Variants in IGSF9B observed in about 807,000 individuals in gnomAD.
The protein encoded by IGSF9B is protein turtle homolog B.
In IGSF9B, 48 loss-of-function variants were observed where a neutral mutation model predicts 143.7. That is an observed-to-expected ratio of 0.33 (90% CI 0.26 to 0.42). The LOEUF is 0.42. Ranked by LOEUF, IGSF9B falls within the 20% of genes least tolerant of loss-of-function variation. The probability of loss-of-function intolerance (pLI) is 1.00; values close to 1 mark genes in which losing one functional copy is unlikely to be tolerated. For synonymous variants in IGSF9B, 903 were observed against 833.1 expected (o/e 1.08, Z -1.44); for missense variants, 1,706 against 1,980.0 (o/e 0.86, Z 2.63).
chr11:133,946,428 G>A (rs1034135959), intron 1 of IGSF9B, 170 bp from the exon 2 acceptor site: 4 of 617,098 alleles, frequency 6.5e-6, no homozygotes, highest in African/African-American at 3.7e-5. Context: ...TCTCCCCCTC[G>A]CTGCTCATAC....
rs548617014 is a variant in IGSF9B at position 133,939,856 on chromosome 11, AACAC to A, written c.410-1899_410-1896del. Among the ~76,000 whole-genome samples, 1,328 of 148,320 alleles carry A rather than the reference AACAC, an allele frequency of 9.0e-3. 7 individuals carry two copies. The highest frequency in any genetic ancestry group is 0.013 in the Non-Finnish European group (888 of 67,402). On this transcript the variant is annotated intron_variant, in intron 3 of 19. Coordinates refer to ENST00000533871, the MANE Select transcript of IGSF9B (RefSeq NM_001277285.4). ...CCTCGCACGCGTCATCACACGCACA[AACAC>A]ACACCTCGCACGTCCTCGCACGCGT...
Position 133,921,157 on chromosome 11 carries a change from G to A in IGSF9B, c.2568C>T (p.Gly856=), listed in dbSNP as rs1939527480. ...TCTCGGCAGGGTCCATCACGAAGCGGCCGTCAGGGCCTCTGCTGATGAGCT... is the reference window on the plus strand; with the variant it reads ...TCTCGGCAGGGTCCATCACGAAGCGACCGTCAGGGCCTCTGCTGATGAGCT... ...PIELISRGPD[G]RFVMDPAEME... Residue 856 remains glycine (G), a synonymous_variant, in exon 18 of 20, where the codon GGC becomes GGT. Coordinates refer to ENST00000533871, the MANE Select transcript of IGSF9B (RefSeq NM_001277285.4). 1.2e-6 allele frequency: 2 copies of A among 1,612,114 alleles called. No homozygotes were observed. The highest frequency in any genetic ancestry group is 1.7e-6 in the Non-Finnish European group (2 of 1,179,050).
chr11:133,937,770 G>A (rs1452519308), intron 4 of IGSF9B, 40 bp downstream of exon 4: 3 of 1,594,002 alleles, frequency 1.9e-6, no homozygotes, highest in Admixed American at 3.4e-5. Flanking sequence ...GGGAAACGGG[G>A]GAAGAGACCG....
rs374975026 is a variant in IGSF9B at position 133,896,504 on chromosome 11, G to A, written c.*12565C>T. The A allele has an allele frequency of 6.6e-6, 1 of 152,152 alleles. No individual in the cohort carries two copies. Among genetic ancestry groups the A allele is most frequent in the South Asian group, 2.1e-4 (1 of 4,830 alleles). The allele number at this position is 152,152 out of a possible 1,614,324, so 9.4% of individuals were successfully genotyped here. A position where few individuals can be genotyped will look rare whatever the true frequency, so the allele number is the denominator to read the frequency against. ...TCTGAAGCAGAGTAATGTTACATGAGGAGCAATTAAATACTAAACGTCTTT... is the reference window on the plus strand; with the variant it reads ...TCTGAAGCAGAGTAATGTTACATGAAGAGCAATTAAATACTAAACGTCTTT... On this transcript the variant is annotated 3_prime_UTR_variant, in exon 20 of 20. Coordinates refer to ENST00000533871, the MANE Select transcript of IGSF9B (RefSeq NM_001277285.4).
At chr11:133,923,708 G>A (rs1939579952) in intron 15 of IGSF9B, among the ~76,000 whole-genome samples, 1 of 152,256 alleles carries the variant, frequency 6.6e-6, no homozygotes, top group South Asian at 2.1e-4. Flanking sequence ...CTTTGGAAAT[G>A]GGGGACCTAA....
At position 133,898,676 on chromosome 11, in the gene IGSF9B, G is replaced by T; in HGVS notation, c.*10393C>A. 1 of 154,090 alleles carries T rather than the reference G, an allele frequency of 6.5e-6. No homozygotes were observed. The highest frequency in any genetic ancestry group is 5.8e-4 in the Middle Eastern group (1 of 1,728). The allele number at this position is 154,090 out of a possible 1,614,324, so 9.5% of individuals were successfully genotyped here. Reference sequence around the variant, plus strand: ...TGATACAGACGACTTAGCAAGTGGAGCGTTAAACTGCTCTTCTCCCCTAGC... The same window carrying T: ...TGATACAGACGACTTAGCAAGTGGATCGTTAAACTGCTCTTCTCCCCTAGC... On this transcript the variant is annotated 3_prime_UTR_variant, in exon 20 of 20. Transcript: ENST00000533871.
At chr11:133,952,183 C>A in intron 1 of IGSF9B, 1 of 399,184 alleles carries the variant, frequency 2.5e-6, no homozygotes, top group South Asian at 1.7e-5. Flanking sequence ...AGGAAGATTC[C>A]CAAGAAAAAT....
chr11:133,938,157 CTG>C, intron 3 of IGSF9B, 196 bp from the exon 4 acceptor site: 2 of 609,298 alleles, frequency 3.3e-6, no homozygotes, highest in Non-Finnish European at 5.7e-6. Flanking sequence ...CTCAGGCTGG[CTG>C]GGTCCAAATT....
At chr11:133,919,283 G>A (rs1179316675) in intron 18 of IGSF9B, among the ~76,000 whole-genome samples, 1 of 152,170 alleles carries the variant, frequency 6.6e-6, no homozygotes, top group Non-Finnish European at 1.5e-5. Context: ...GTCTGGAGAA[G>A]TCAGGCTCCG....
intron 7 of IGSF9B, among the ~76,000 whole-genome samples, chr11:133,935,178 G>A (rs904476907): frequency 3.9e-5 from 6 of 152,224 alleles, no homozygotes; most frequent in African/African-American, 7.2e-5. Context: ...CGACACAGAC[G>A]CGGTGTGGAA....
At chr11:133,956,622 C>G in intron 1 of IGSF9B, 69 bp downstream of exon 1, 1 of 1,087,920 alleles carries the variant, frequency 9.2e-7, no homozygotes, top group Non-Finnish European at 1.3e-6. Flanking sequence ...GCCGGGAAAC[C>G]GAGGGGCCGG....
Position 133,920,996 on chromosome 11 carries a change from G to T in IGSF9B, c.2729C>A (p.Ser910Tyr), listed in dbSNP as rs764207468. Reference sequence around the variant, plus strand: ...GCTGGATGACAGAGGGGTGAGCTGGGACTTCAGGGCGGCCACAGATGTGGG... The same window carrying T: ...GCTGGATGACAGAGGGGTGAGCTGGTACTTCAGGGCGGCCACAGATGTGGG... The part of the protein sequence containing the change: ...LVPTSVAALK[S>Y]QLTPLSSSQE... The change falls in exon 18 of 20, where the codon TCC (serine) becomes TAC (tyrosine). Residue 910 changes from serine (S) to tyrosine (Y), a missense_variant. Physicochemically the swap from Ser to Tyr is moderately radical, Grantham distance 144. Coordinates refer to ENST00000533871, the MANE Select transcript of IGSF9B (RefSeq NM_001277285.4). 1 of 1,611,382 alleles carries T rather than the reference G, an allele frequency of 6.2e-7. No individual in the cohort carries two copies.
chr11:133,930,700 T>C (rs1195771526), intron 11 of IGSF9B, among the ~76,000 whole-genome samples: 1 of 152,184 alleles, frequency 6.6e-6, no homozygotes, highest in Admixed American at 6.5e-5. Context: ...CTGCAGTCCC[T>C]GCCAGCCACA....
intron 7 of IGSF9B, among the ~76,000 whole-genome samples, chr11:133,934,335 C>T (rs1939784859): frequency 6.6e-6 from 1 of 152,248 alleles, no homozygotes; most frequent in Non-Finnish European, 1.5e-5. Flanking sequence ...CTGCGTCCAG[C>T]ACAGAGGGAC....
At chr11:133,933,865 G>A (rs1939776075) in intron 7 of IGSF9B, among the ~76,000 whole-genome samples, 2 of 152,184 alleles carry the variant, frequency 1.3e-5, no homozygotes, top group South Asian at 4.1e-4. Flanking sequence ...TAGGAAGGCA[G>A]TGAGGATGAA....
intron 3 of IGSF9B, among the ~76,000 whole-genome samples, chr11:133,938,890 T>C (rs1200076049): frequency 2.0e-5 from 3 of 152,114 alleles, no homozygotes; most frequent in Non-Finnish European, 4.4e-5. Context: ...CTAACTCCCC[T>C]ACCCTCCAGA....
At chr11:133,921,899 C>T (rs1225901582) in intron 17 of IGSF9B, among the ~76,000 whole-genome samples, 4 of 152,184 alleles carry the variant, frequency 2.6e-5, no homozygotes, top group Non-Finnish European at 5.9e-5. Context: ...TAAAGAAATA[C>T]ATTCCAAGGC....
chr11:133,925,832 G>A lies in IGSF9B; in HGVS notation c.1941C>T (p.Tyr647=), dbSNP rs1437889842. The A allele has an allele frequency of 2.5e-6, 4 of 1,613,946 alleles. No individual in the cohort carries two copies. The highest frequency in any genetic ancestry group is 3.4e-6 in the Non-Finnish European group (4 of 1,179,872). The change falls in exon 14 of 20, where the codon TAC becomes TAT. Residue 647 remains tyrosine (Y), a synonymous_variant. Coordinates refer to ENST00000533871, the MANE Select transcript of IGSF9B (RefSeq NM_001277285.4). ...PANHSFPIDR[Y]IMEFRVAERW... is the part of the protein sequence containing the mutation. ...GCTCTGCGACACGGAACTCCATGAT[G>A]TAGCGGTCGATGGGAAAGCTGTGGT...
At chr11:133,950,271 G>C (rs1168778936) in intron 1 of IGSF9B, among the ~76,000 whole-genome samples, 1 of 152,226 alleles carries the variant, frequency 6.6e-6, no homozygotes, top group African/African-American at 2.4e-5. Flanking sequence ...AGGAAGGTGT[G>C]CAGGGCAAGG....
Sources: gnomAD v4.1 joint callset for allele counts (sites outside exome capture counted in the v4.1 genomes callset) on GRCh38, gnomAD v4.1.1 for gene constraint, MANE v1.5 for transcripts, NCBI Gene and HGNC (gene_info 2026-07-23, HGNC 2026-07-21) for gene names.